RPUSD2: variants seen among roughly 807,000 people sequenced by gnomAD.
RPUSD2 encodes the protein RNA pseudouridine synthase domain containing 2.
Under a neutral mutation model 41.5 loss-of-function variants are expected in RPUSD2, and 31 were observed. That is an observed-to-expected ratio of 0.75 (90% confidence interval 0.56 to 1.01). The LOEUF is 1.01. RPUSD2 is among the 50% of genes least tolerant of loss of function. The probability of loss-of-function intolerance (pLI) is 0.00; values close to 1 mark genes in which losing one functional copy is unlikely to be tolerated. For missense variants in RPUSD2, 749 were observed against 724.7 expected, an observed-to-expected ratio of 1.03 and a Z score of -0.38; for synonymous variants, 305 against 289.7, an observed-to-expected ratio of 1.05 and a Z score of -0.54.
In RPUSD2 at chr15:40,569,871, TGAG is replaced by T; in HGVS notation, c.536_538del (p.Glu179del). 1 of 1,603,666 alleles carries T rather than the reference TGAG, an allele frequency of 6.2e-7. No individual in the cohort carries two copies. The highest frequency in any genetic ancestry group is 2.2e-5 in the East Asian group (1 of 44,574). On this transcript the variant is annotated inframe_deletion, in exon 1 of 3. Transcript: ENST00000315616. The stretch of plus-strand genomic sequence containing the variant: ...TCCGAGCTCAGCCCCTGGCCTACTA[TGAG>T]GCCGCGGTCCGGGCGGGCCGCCTGC...
At position 40,571,656 on chromosome 15, in the gene RPUSD2, C is replaced by G; in HGVS notation, c.659C>G (p.Ala220Gly). ...TVHRHEPPVT[A>G]EPIRLLAENE... is the part of the protein sequence containing the mutation. ...CACAGGCATGAGCCACCAGTCACAG[C>G]AGAGCCCATTCGCCTGCTAGCTGAG... is the stretch of plus-strand genomic sequence containing the variant. Residue 220 changes from alanine to glycine, a missense_variant, in exon 2 of 3, where the codon GCA (alanine) becomes GGA (glycine). Physicochemically the swap from Ala to Gly is moderately conservative, Grantham distance 60. Transcript: ENST00000315616. 1.2e-6 allele frequency: 2 copies of G among 1,614,210 alleles called. No homozygotes were observed. Among genetic ancestry groups the G allele is most frequent in the Non-Finnish European group, 1.7e-6 (2 of 1,180,022 alleles).
Position 40,571,862 on chromosome 15 carries a change from G to A in RPUSD2, c.865G>A (p.Val289Ile). 1 of 1,614,124 alleles carries A rather than the reference G, an allele frequency of 6.2e-7. No individual in the cohort carries two copies. Among genetic ancestry groups the A allele is most frequent in the Non-Finnish European group, 8.5e-7 (1 of 1,179,970 alleles). ...GCTTATGTTTGCCAAGACAGCTGCAGTCTCTGAGAGAATTCACGAGCAGGT... is the reference window on the plus strand; with the variant it reads ...GCTTATGTTTGCCAAGACAGCTGCAATCTCTGAGAGAATTCACGAGCAGGT... Reference protein sequence around the residue: ...GVLMFAKTAAVSERIHEQVRD... With the variant: ...GVLMFAKTAAISERIHEQVRD... Residue 289 changes from valine (V) to isoleucine (I), a missense_variant, in exon 2 of 3, where the codon GTC becomes ATC. By Grantham distance (29) the Val-to-Ile change is conservative. Transcript: ENST00000315616.
At position 40,571,732 on chromosome 15, in the gene RPUSD2, C is replaced by G. The variant is rs1384529660; in HGVS notation, c.735C>G (p.Pro245=). 1 of 1,614,254 alleles carries G rather than the reference C, an allele frequency of 6.2e-7. No individual in the cohort carries two copies. The highest frequency in any genetic ancestry group is 1.7e-5 in the Admixed American group (1 of 60,028). ...VDKPSSIPVH[P]CGRFRHNTVI... ...AGCCTTCCTCCATTCCCGTTCACCC[C>G]TGTGGCCGCTTCCGACACAACACAG... is the stretch of plus-strand genomic sequence containing the variant. The change falls in exon 2 of 3, where the codon CCC becomes CCG. Residue 245 remains proline (P), a synonymous_variant. Transcript: ENST00000315616.
At chr15:40,573,487 A>G in intron 2 of RPUSD2, 40 bp from the exon 3 acceptor site, 1 of 1,570,872 alleles carries the variant, frequency 6.4e-7, no homozygotes, top group Non-Finnish European at 8.6e-7. Context: ...CCATGAATTT[A>G]GGCTTTGTAC....
rs766006661 is a variant in RPUSD2, at chr15:40,569,552, C to T, written c.215C>T (p.Pro72Leu). The change falls in exon 1 of 3, where the codon CCG (proline) becomes CTG (leucine). Residue 72 changes from proline (P) to leucine (L), a missense_variant. Physicochemically the swap from Pro to Leu is moderately conservative, Grantham distance 98. Coordinates refer to ENST00000315616, the MANE Select transcript of RPUSD2 (RefSeq NM_152260.3). ...AAGGTTGAGCTGTCCCCCGGGCCCC[C>T]GAAGCCGGCTGGCCGGGAAGTGGAG... is the stretch of plus-strand genomic sequence containing the variant. ...DAKVELSPGP[P>L]KPAGREVEPA... 2 of 1,535,084 alleles carry T rather than the reference C, an allele frequency of 1.3e-6. No homozygotes were observed. The highest frequency in any genetic ancestry group is 8.7e-7 in the Non-Finnish European group (1 of 1,144,992).
intron 2 of RPUSD2, 103 bp from the exon 3 acceptor site, chr15:40,573,423 TG>T (rs1415005148): frequency 2.3e-6 from 3 of 1,300,360 alleles, no homozygotes; most frequent in Non-Finnish European, 3.2e-6. Flanking sequence ...ATGGTAGAGC[TG>T]GAGTTTGAAT....
chr15:40,570,138 GCT>G (rs1891108045), intron 1 of RPUSD2, 195 bp downstream of exon 1: 1 of 668,726 alleles, frequency 1.5e-6, no homozygotes, highest in Admixed American at 3.5e-5. Context: ...GGGTGTCTGT[GCT>G]TCAGGACTCA....
At position 40,574,847 on chromosome 15, in the gene RPUSD2, CCCCTT is replaced by C. The variant is rs1566990875; in HGVS notation, c.*589_*593del. 6.6e-6 allele frequency: 1 copy of C among 152,232 alleles called. No individual in the cohort carries two copies. Among genetic ancestry groups the C allele is most frequent in the Non-Finnish European group, 1.5e-5 (1 of 68,060 alleles). The allele number at this position is 152,232 out of a possible 1,614,324, so 9.4% of individuals were successfully genotyped here. On this transcript the variant is annotated 3_prime_UTR_variant, in exon 3 of 3. Transcript: ENST00000315616. ...ATTAAGTAAGTGGTCACTTTCCACT[CCCCTT>C]CCACCAGCCTCTGGCAACCACTAAT... is the stretch of plus-strand genomic sequence containing the variant.
intron 1 of RPUSD2, 91 bp from the exon 2 acceptor site, chr15:40,571,513 A>C: frequency 1.7e-6 from 2 of 1,200,542 alleles, no homozygotes; most frequent in South Asian, 2.9e-5. Context: ...CCATTTTTCC[A>C]TGTCAGTGAG....
intron 2 of RPUSD2, among the ~76,000 whole-genome samples, chr15:40,572,365 A>AT (rs1891161162): frequency 1.3e-5 from 2 of 152,054 alleles, no homozygotes; most frequent in Non-Finnish European, 2.9e-5. Context: ...GATCGAGGTC[A>AT]TCCTGGCTAA....
At chr15:40,573,205 A>G (rs1054931992) in intron 2 of RPUSD2, among the ~76,000 whole-genome samples, 1 of 151,804 alleles carries the variant, frequency 6.6e-6, no homozygotes, top group African/African-American at 2.4e-5. Context: ...TGTATTTTTT[A>G]GTAGAGACGG....
intron 2 of RPUSD2, among the ~76,000 whole-genome samples, chr15:40,573,300 C>T (rs1370592794): frequency 1.3e-5 from 2 of 152,216 alleles, no homozygotes; most frequent in African/African-American, 2.4e-5. Flanking sequence ...GCTGGGATTA[C>T]AGGCGTGAGC....
At position 40,569,589 on chromosome 15, in the gene RPUSD2, A is replaced by G. The variant is rs772134660; in HGVS notation, c.252A>G (p.Val84=). 1 of 1,534,650 alleles carries G rather than the reference A, an allele frequency of 6.5e-7. No individual in the cohort carries two copies. Among genetic ancestry groups the G allele is most frequent in the South Asian group, 1.3e-5 (1 of 79,858 alleles). ...GCCGGGAAGTGGAGCCGGCCCCAGTAGGCGGGGAGCATCCCTCGGCTGCAG... is the reference window on the plus strand; with the variant it reads ...GCCGGGAAGTGGAGCCGGCCCCAGTGGGCGGGGAGCATCCCTCGGCTGCAG... ...PAGREVEPAP[V]GGEHPSAAAP... The change falls in exon 1 of 3, where the codon GTA becomes GTG. Residue 84 remains valine, a synonymous_variant. Transcript: ENST00000315616.
chr15:40,574,070 G>A lies in RPUSD2; in HGVS notation c.1447G>A (p.Glu483Lys), dbSNP rs1012250132. The A allele has an allele frequency of 6.2e-7, 1 of 1,614,092 alleles. No homozygotes were observed. Among genetic ancestry groups the A allele is most frequent in the African/African-American group, 1.3e-5 (1 of 74,924 alleles). ...QELDTIALASEKAVETDVMNQ... is the reference protein window; with the variant it reads ...QELDTIALASKKAVETDVMNQ... Reference sequence around the variant, plus strand: ...GTTGGACACAATAGCCTTGGCATCAGAGAAGGCAGTTGAAACAGATGTCAT... The same window carrying A: ...GTTGGACACAATAGCCTTGGCATCAAAGAAGGCAGTTGAAACAGATGTCAT... Residue 483 changes from glutamate to lysine, a missense_variant, in exon 3 of 3, where the codon GAG becomes AAG. Physicochemically the swap from Glu to Lys is moderately conservative, Grantham distance 56. Coordinates refer to ENST00000315616, the MANE Select transcript of RPUSD2 (RefSeq NM_152260.3).
At chr15:40,572,804 C>G (rs1455990391) in intron 2 of RPUSD2, among the ~76,000 whole-genome samples, 1 of 152,080 alleles carries the variant, frequency 6.6e-6, no homozygotes, top group Non-Finnish European at 1.5e-5. Flanking sequence ...TGGGGAGAGC[C>G]TGCTTGGTGA....
At position 40,573,956 on chromosome 15, in the gene RPUSD2, C is replaced by T; in HGVS notation, c.1333C>T (p.Pro445Ser). 1 of 1,614,140 alleles carries T rather than the reference C, an allele frequency of 6.2e-7. No homozygotes were observed. Among genetic ancestry groups the T allele is most frequent in the Non-Finnish European group, 8.5e-7 (1 of 1,180,030 alleles). Residue 445 changes from proline (P) to serine (S), a missense_variant, in exon 3 of 3, where the codon CCC becomes TCC. By Grantham distance (74) the Pro-to-Ser change is moderately conservative. Transcript: ENST00000315616. ...LSPGLTDSTA[P>S]SSELGKDDLE... Reference sequence around the variant, plus strand: ...CCCAGGACTCACAGACTCTACGGCCCCCTCCTCAGAGTTGGGCAAGGACGA... The same window carrying T: ...CCCAGGACTCACAGACTCTACGGCCTCCTCCTCAGAGTTGGGCAAGGACGA...
In RPUSD2 at chr15:40,574,343, C is replaced by A. The variant is rs896701249; in HGVS notation, c.*82C>A. 1.2e-5 allele frequency: 18 copies of A among 1,494,646 alleles called. No individual in the cohort carries two copies. In the African/African-American group the frequency reaches 2.5e-4, roughly 21 times the overall value. The allele number at this position is 1,494,646 out of a possible 1,614,324, so 92.6% of individuals were successfully genotyped here. A position where few individuals can be genotyped will look rare whatever the true frequency, so the allele number is the denominator to read the frequency against. On this transcript the variant is annotated 3_prime_UTR_variant, in exon 3 of 3. Coordinates refer to ENST00000315616, the MANE Select transcript of RPUSD2 (RefSeq NM_152260.3). ...CAAGGGCTGACCCCATGGGCTAGTA[C>A]TTGGGGTTTCTATAGGAATGAGGAC...
At position 40,571,927 on chromosome 15, in the gene RPUSD2, G is replaced by A. The variant is rs78927602; in HGVS notation, c.903+27G>A. On this transcript the variant is annotated intron_variant, in intron 2 of 2. Transcript: ENST00000315616. ...TGAGTCAGGCTTTTGTCTCCTACAG[G>A]CCACTTCTTGGGCTCACGAATGCTC... The A allele has an allele frequency of 2.3e-3, 3,655 of 1,604,520 alleles. 77 individuals are homozygous for A. The African/African-American group carries it at 0.043, about 19-fold the overall frequency.
intron 2 of RPUSD2, among the ~76,000 whole-genome samples, chr15:40,572,172 A>C (rs1423258909): frequency 6.6e-6 from 1 of 152,030 alleles, no homozygotes; most frequent in Non-Finnish European, 1.5e-5. Flanking sequence ...TCACACCTGT[A>C]ATCCCAGCAT....
Sources: allele counts gnomAD v4.1 joint callset (sites outside exome capture counted in the v4.1 genomes callset), GRCh38; gene constraint gnomAD v4.1.1; transcripts MANE v1.5; gene names NCBI Gene and HGNC (gene_info 2026-07-23, HGNC 2026-07-21).